Variants in ATP10A observed in about 807,000 individuals in gnomAD.
ATP10A encodes ATPase phospholipid transporting 10A (putative), also known as phospholipid-transporting ATPase VA.
In ATP10A, 111 loss-of-function variants were observed where a neutral mutation model predicts 147.8. The ratio of observed to expected loss-of-function variants is 0.75; its 90% CI spans 0.64 to 0.88. The LOEUF (loss-of-function observed/expected upper bound fraction) is 0.88. ATP10A is among the 40% of genes least tolerant of loss of function. The pLI is 0.00. For missense variants in ATP10A, 1,927 were observed against 1,959.0 expected (o/e 0.98, Z 0.31); for synonymous variants, 875 against 841.6 (o/e 1.04, Z -0.69).
At chr15:25,688,212 G>GT (rs1277818701) in intron 15 of ATP10A, among the ~76,000 whole-genome samples, 2 of 152,052 alleles carry the variant, frequency 1.3e-5, no homozygotes, top group Admixed American at 1.3e-4. Flanking sequence ...TCGGTCCATG[G>GT]TCACAACCCA....
At chr15:25,842,377 C>T (rs910488643) in intron 1 of ATP10A, among the ~76,000 whole-genome samples, 3 of 152,252 alleles carry the variant, frequency 2.0e-5, no homozygotes, top group South Asian at 2.1e-4. Context: ...TCCTGAGGCC[C>T]CAGTCAGTCT....
intron 5 of ATP10A, among the ~76,000 whole-genome samples, chr15:25,724,857 C>T (rs540910126): frequency 6.6e-6 from 1 of 152,200 alleles, no homozygotes; most frequent in Non-Finnish European, 1.5e-5. Flanking sequence ...ATTCAACCAA[C>T]CATGGACCAA....
intron 13 of ATP10A, among the ~76,000 whole-genome samples, chr15:25,700,359 A>G (rs1380121791): frequency 6.6e-6 from 1 of 152,256 alleles, no homozygotes; most frequent in East Asian, 1.9e-4. Flanking sequence ...AAATGAAAAC[A>G]TGTTCACACA....
At chr15:25,743,148 G>T (rs1294727073) in intron 2 of ATP10A, among the ~76,000 whole-genome samples, 1 of 152,178 alleles carries the variant, frequency 6.6e-6, no homozygotes, top group Non-Finnish European at 1.5e-5. Context: ...CAGGGCCATT[G>T]GTAGCCACAT....
rs543940725 is a variant in ATP10A at position 25,802,252 on chromosome 15, C to T, written c.450-21029G>A. The stretch of plus-strand genomic sequence containing the variant: ...GCACAGACCGAGCTGTTCTCAACGT[C>T]GGAATCTCAGCCCGAGGCTGTGGCA... On this transcript the variant is annotated intron_variant, in intron 1 of 20. Coordinates refer to ENST00000555815, the MANE Select transcript of ATP10A (RefSeq NM_024490.4). 6.6e-5 allele frequency among the ~76,000 whole-genome samples: 10 copies of T among 152,306 alleles called. No individual in the cohort carries two copies. In the South Asian group the frequency reaches 1.0e-3, roughly 16 times the overall value.
At chr15:25,780,886 A>T in intron 2 of ATP10A, 133 bp downstream of exon 2, 1 of 958,222 alleles carries the variant, frequency 1.0e-6, no homozygotes, top group Non-Finnish European at 1.6e-6. Flanking sequence ...TCAGACCCTC[A>T]GACTCGTCTA....
intron 12 of ATP10A, among the ~76,000 whole-genome samples, chr15:25,704,932 C>T (rs1305957761): frequency 6.6e-6 from 1 of 152,064 alleles, no homozygotes; most frequent in Admixed American, 6.6e-5. Flanking sequence ...CTTGGTGCCA[C>T]ACAGCTTTGA....
rs920535436 is a variant in ATP10A, at chr15:25,725,847, A to G, written c.979+104T>C. On this transcript the variant is annotated intron_variant, in intron 5 of 20. Coordinates refer to ENST00000555815, the MANE Select transcript of ATP10A (RefSeq NM_024490.4). ...TTGGCCAGCTGGTCACCAACTCCTG[A>G]CCTCAAGTGATCTGCCCGCCTCGGC... is the stretch of plus-strand genomic sequence containing the variant. The G allele has an allele frequency of 1.7e-5, 23 of 1,341,660 alleles. No individual in the cohort carries two copies. In the African/African-American group the frequency reaches 2.8e-4, roughly 16 times the overall value. The allele number at this position is 1,341,660 out of a possible 1,614,324, so 83.1% of individuals were successfully genotyped here. A position where few individuals can be genotyped will look rare whatever the true frequency, so the allele number is the denominator to read the frequency against.
chr15:25,784,584 TG>T (rs1890072196), intron 1 of ATP10A, among the ~76,000 whole-genome samples: 2 of 151,622 alleles, frequency 1.3e-5, no homozygotes, highest in South Asian at 4.2e-4. Context: ...TTTGTGGGAG[TG>T]GGGGAAGGGG....
At chr15:25,710,760 A>T (rs1387035089) in intron 10 of ATP10A, 1 of 152,230 alleles carries the variant, frequency 6.6e-6, no homozygotes, top group Non-Finnish European at 1.5e-5. Flanking sequence ...CACGCTAGGC[A>T]GTGGGCTACG....
intron 13 of ATP10A, among the ~76,000 whole-genome samples, chr15:25,698,701 C>CA (rs953152346): frequency 1.1e-4 from 16 of 152,246 alleles, no homozygotes; most frequent in African/African-American, 3.6e-4. Flanking sequence ...ACAAAACCTA[C>CA]AAAAAATGTT....
chr15:25,851,414 CAA>C (rs990682771), intron 1 of ATP10A, among the ~76,000 whole-genome samples: 1 of 151,810 alleles, frequency 6.6e-6, no homozygotes, highest in Non-Finnish European at 1.5e-5. Flanking sequence ...AAAAATCAAT[CAA>C]AGACATCGTT....
At chr15:25,741,088 A>G (rs1448873848) in intron 2 of ATP10A, among the ~76,000 whole-genome samples, 1 of 152,166 alleles carries the variant, frequency 6.6e-6, no homozygotes, top group African/African-American at 2.4e-5. Flanking sequence ...CACAGCTCCG[A>G]ACTTGCTTAG....
chr15:25,834,069 TACTA>T (rs141003476), intron 1 of ATP10A, among the ~76,000 whole-genome samples: 3,097 of 152,302 alleles, frequency 0.02, 53 homozygotes, highest in African/African-American at 0.051. Context: ...TGCTATTAAC[TACTA>T]ACTATGTGTG....
At chr15:25,701,856 G>T in intron 13 of ATP10A, 60 bp downstream of exon 13, 2 of 1,459,724 alleles carry the variant, frequency 1.4e-6, no homozygotes, top group Non-Finnish European at 1.9e-6. Context: ...TGCCAAGGGG[G>T]CCACGATAAA....
chr15:25,765,550 C>T (rs8032344), intron 2 of ATP10A, among the ~76,000 whole-genome samples: 141,929 of 152,154 alleles, frequency 0.93, 66,736 homozygotes, highest in Non-Finnish European at 1. Context: ...GTCCTGCTCT[C>T]ATGTGCAGGT....
chr15:25,763,478 C>G (rs1057167508), intron 2 of ATP10A, among the ~76,000 whole-genome samples: 1 of 152,186 alleles, frequency 6.6e-6, no homozygotes, highest in African/African-American at 2.4e-5. Context: ...CAGAAGGATG[C>G]CTCTGAGAGG....
upstream of ATP10A, among the ~76,000 whole-genome samples, chr15:25,864,106 G>GGGGGAGGCGAGGATGGTTGT (rs1255458002): frequency 2.6e-5 from 4 of 152,174 alleles, no homozygotes; most frequent in Admixed American, 6.5e-5. Flanking sequence ...CCCGGACGGC[G>GGGGGAGGCGAGGATGGTTGT]GGGGAGGCGA....
chr15:25,754,191 T>G (rs1037925325), intron 2 of ATP10A, among the ~76,000 whole-genome samples: 1 of 152,200 alleles, frequency 6.6e-6, no homozygotes, highest in Admixed American at 6.5e-5. Context: ...TGGAATGCAG[T>G]GGCGTGATCT....
Sources: gnomAD v4.1 joint callset for allele counts (sites outside exome capture counted in the v4.1 genomes callset) on GRCh38, gnomAD v4.1.1 for gene constraint, MANE v1.5 for transcripts, NCBI Gene and HGNC (gene_info 2026-07-23, HGNC 2026-07-21) for gene names.